Variants in MCOLN3 observed in about 807,000 individuals in gnomAD.
MCOLN3 encodes mucolipin TRP cation channel 3.
Under a neutral mutation model 69.4 loss-of-function variants are expected in MCOLN3, and 62 were observed. That is an observed-to-expected ratio of 0.89 (90% CI 0.73 to 1.10). The LOEUF (loss-of-function observed/expected upper bound fraction) is 1.10. Ranked by LOEUF, MCOLN3 falls within the 50% of genes least tolerant of loss-of-function variation. The pLI, the probability that MCOLN3 is intolerant of heterozygous loss-of-function variation, is 0.00. For missense variants in MCOLN3, 564 were observed against 656.4 expected (o/e 0.86, Z 1.54); for synonymous variants, 183 against 217.0 (o/e 0.84, Z 1.38).
intron 2 of MCOLN3, among the ~76,000 whole-genome samples, chr1:85,043,287 T>G (rs2102944252): frequency 6.6e-6 from 1 of 152,172 alleles, no homozygotes; most frequent in African/African-American, 2.4e-5. Context: ...CCCAGCACTT[T>G]GGGAGGCCTA....
chr1:85,025,606 TCTTAC>T (rs1359366816), intron 9 of MCOLN3: 1 of 181,838 alleles, frequency 5.5e-6, no homozygotes, highest in Non-Finnish European at 1.1e-5. Context: ...AAAAAAAAAC[TCTTAC>T]CTTAGTTACC....
chr1:85,034,835 A>G (rs1652729795), intron 3 of MCOLN3, among the ~76,000 whole-genome samples: 1 of 152,240 alleles, frequency 6.6e-6, no homozygotes, highest in East Asian at 1.9e-4. Context: ...AATAACTGTC[A>G]TCTTAAATTC....
intron 1 of MCOLN3, among the ~76,000 whole-genome samples, chr1:85,046,862 T>C (rs1653380747): frequency 1.3e-5 from 2 of 152,222 alleles, no homozygotes; most frequent in South Asian, 4.1e-4. Context: ...CTCATTAAAG[T>C]GTGGCTCCTG....
intron 2 of MCOLN3, among the ~76,000 whole-genome samples, chr1:85,043,137 A>G (rs1032269187): frequency 6.6e-6 from 1 of 152,172 alleles, no homozygotes; most frequent in African/African-American, 2.4e-5. Flanking sequence ...CTACTCTTCT[A>G]GTTTCCTGAC....
At chr1:85,035,320 C>A (rs749058069) in intron 3 of MCOLN3, among the ~76,000 whole-genome samples, 4 of 152,156 alleles carry the variant, frequency 2.6e-5, no homozygotes, top group Non-Finnish European at 5.9e-5. Context: ...TCAACCAGTC[C>A]CATATTTCAA....
chr1:85,029,510 C>CAGAT (rs1652397746), intron 6 of MCOLN3: 1 of 206,174 alleles, frequency 4.9e-6, no homozygotes, highest in African/African-American at 2.3e-5. Flanking sequence ...TAAGTACCTC[C>CAGAT]AGATACCTTC....
intron 3 of MCOLN3, among the ~76,000 whole-genome samples, chr1:85,037,226 G>A (rs1485593257): frequency 6.6e-6 from 1 of 152,198 alleles, no homozygotes; most frequent in African/African-American, 2.4e-5. Flanking sequence ...GGCATATAGG[G>A]ATAAAGTAGA....
chr1:85,036,336 C>A (rs142156200), intron 3 of MCOLN3, among the ~76,000 whole-genome samples: 98 of 152,202 alleles, frequency 6.4e-4, no homozygotes, highest in African/African-American at 2.1e-3. Context: ...GGAGTACAGG[C>A]TCATGCTACC....
At chr1:85,020,316 C>T (rs1246750651) in intron 12 of MCOLN3, among the ~76,000 whole-genome samples, 1 of 152,212 alleles carries the variant, frequency 6.6e-6, no homozygotes, top group Non-Finnish European at 1.5e-5. Flanking sequence ...TTCTCTTTAT[C>T]CCTAGGGCCA....
intron 9 of MCOLN3, among the ~76,000 whole-genome samples, chr1:85,024,028 G>T (rs917171984): frequency 6.6e-5 from 10 of 152,200 alleles, no homozygotes; most frequent in Admixed American, 1.3e-4. Context: ...GATTGGAACA[G>T]ACACCGAAAG....
chr1:85,039,749 CA>C (rs1290202755), intron 3 of MCOLN3, among the ~76,000 whole-genome samples: 8 of 152,118 alleles, frequency 5.3e-5, no homozygotes, highest in African/African-American at 1.7e-4. Context: ...GGAGTTTGAG[CA>C]ACCTGGGCAA....
chr1:85,019,399 T>G (rs918960639), intron 12 of MCOLN3, 142 bp from the exon 13 acceptor site: 2 of 775,142 alleles, frequency 2.6e-6, no homozygotes, highest in Admixed American at 5.6e-5. Flanking sequence ...GCAAAGGAGA[T>G]GTAGCCTCTA....
rs945595752 is a variant in MCOLN3 at position 85,046,921 on chromosome 1, TA to T, written c.-3+1474del. On this transcript the variant is annotated intron_variant, in intron 1 of 12. Transcript: ENST00000370589. ...AAGCATAAATGCAGTAATTCTTAGG[TA>T]AAGGCATAAAGGAAAGAAAAAGTTA... 6.6e-5 allele frequency among the ~76,000 whole-genome samples: 10 copies of T among 152,194 alleles called. 1 individual carries two copies. The highest frequency in any genetic ancestry group is 2.4e-4 in the African/African-American group (10 of 41,446).
intron 4 of MCOLN3, 97 bp downstream of exon 4, chr1:85,034,001 C>A (rs1181477582): frequency 1.5e-6 from 2 of 1,326,406 alleles, no homozygotes; most frequent in East Asian, 4.8e-5. Context: ...GTCCTAATAT[C>A]ACAGACCAAA....
intron 1 of MCOLN3, among the ~76,000 whole-genome samples, chr1:85,045,845 T>C (rs756611054): frequency 1.3e-5 from 2 of 152,210 alleles, no homozygotes; most frequent in African/African-American, 4.8e-5. Context: ...GAGTTAAAGA[T>C]AGCAGGGTGT....
At chr1:85,031,269 CAAA>C (rs60048551) in intron 6 of MCOLN3, among the ~76,000 whole-genome samples, 3 of 97,576 alleles carry the variant, frequency 3.1e-5, no homozygotes, top group Non-Finnish European at 2.1e-5. Flanking sequence ...GAATCCATCT[CAAA>C]AAAAAAAAAA....
chr1:85,026,756 CAAAAAAA>C (rs562109815), intron 7 of MCOLN3, among the ~76,000 whole-genome samples: 2 of 93,748 alleles, frequency 2.1e-5, no homozygotes, highest in African/African-American at 8.0e-5. Context: ...GACTCCATCT[CAAAAAAA>C]AAAAAAAGAA....
At chr1:85,045,650 GTA>G (rs1653313797) in intron 1 of MCOLN3, among the ~76,000 whole-genome samples, 1 of 152,184 alleles carries the variant, frequency 6.6e-6, no homozygotes, top group Non-Finnish European at 1.5e-5. Flanking sequence ...TATATAGGAT[GTA>G]TATGTTTTCT....
At position 85,021,279 on chromosome 1, in the gene MCOLN3, G is replaced by A. The variant is rs1292459163; in HGVS notation, c.1321-3C>T. ...GAGACCATGTTCAGAGAACGAAACT[G>A]GAAAAAGAAAAGAGAAAAGTTCACT... On this transcript the variant is annotated splice_polypyrimidine_tract_variant and splice_region_variant and intron_variant, in intron 11 of 12. Transcript: ENST00000370589. 1 of 1,602,456 alleles carries A rather than the reference G, an allele frequency of 6.2e-7. No homozygotes were observed. The highest frequency in any genetic ancestry group is 1.7e-4 in the Middle Eastern group (1 of 5,930).
Sources: gnomAD v4.1 joint callset for allele counts (sites outside exome capture counted in the v4.1 genomes callset) on GRCh38, gnomAD v4.1.1 for gene constraint, MANE v1.5 for transcripts, NCBI Gene and HGNC (gene_info 2026-07-23, HGNC 2026-07-21) for gene names.